The following LRRC1 variants were observed in gnomAD, a reference collection of about 807,000 sequenced individuals.
The protein encoded by LRRC1 is leucine-rich repeat-containing protein 1.
In LRRC1, 28 loss-of-function variants were observed where a neutral mutation model predicts 69.9. That is an observed-to-expected ratio of 0.40 (90% CI 0.30 to 0.55). LRRC1 has a LOEUF of 0.55. Ranked by LOEUF, LRRC1 falls within the 20% of genes least tolerant of loss-of-function variation. The pLI, the probability that LRRC1 is intolerant of heterozygous loss-of-function variation, is 0.47. For missense variants in LRRC1, 498 were observed against 609.0 expected (o/e 0.82, Z 1.92); for synonymous variants, 236 against 240.2 (o/e 0.98, Z 0.16).
chr6:53,853,354 G>A (rs1015171885), intron 2 of LRRC1, among the ~76,000 whole-genome samples: 5 of 147,570 alleles, frequency 3.4e-5, no homozygotes, highest in African/African-American at 7.6e-5. Context: ...GTGTGATCTC[G>A]GCTCACTGCA....
intron 2 of LRRC1, among the ~76,000 whole-genome samples, chr6:53,845,112 G>A (rs1199576273): frequency 2.0e-5 from 3 of 152,212 alleles, no homozygotes; most frequent in Non-Finnish European, 1.5e-5. Flanking sequence ...GCTGGGGCAG[G>A]AGAATCGCTT....
chr6:53,827,780 C>A (rs1020164359), intron 1 of LRRC1, among the ~76,000 whole-genome samples: 6 of 152,128 alleles, frequency 3.9e-5, no homozygotes, highest in Non-Finnish European at 1.5e-5. Context: ...CATGCCTTGT[C>A]TTTCAAAGTT....
intron 11 of LRRC1, among the ~76,000 whole-genome samples, chr6:53,915,574 A>G (rs918423880): frequency 6.6e-6 from 1 of 152,228 alleles, no homozygotes; most frequent in African/African-American, 2.4e-5. Context: ...ACTACTGAGC[A>G]TGAATTTGCC....
intron 1 of LRRC1, 103 bp from the exon 2 acceptor site, chr6:53,842,007 C>T (rs1220890104): frequency 1.5e-6 from 1 of 679,868 alleles, no homozygotes; most frequent in Admixed American, 2.6e-5. Context: ...GTTGCTACAA[C>T]CTTCATTAGT....
chr6:53,824,787 G>A (rs561370764), intron 1 of LRRC1, among the ~76,000 whole-genome samples: 3 of 152,276 alleles, frequency 2.0e-5, no homozygotes, highest in African/African-American at 7.2e-5. Flanking sequence ...AACTGAGCTT[G>A]TAGAATCCTA....
At chr6:53,803,795 C>T (rs907704822) in intron 1 of LRRC1, among the ~76,000 whole-genome samples, 1 of 152,140 alleles carries the variant, frequency 6.6e-6, no homozygotes, top group African/African-American at 2.4e-5. Context: ...TGGTGTTACA[C>T]CTAATTACAG....
At position 53,842,044 on chromosome 6, in the gene LRRC1, A is replaced by G. The variant is rs565500299; in HGVS notation, c.160-66A>G. On this transcript the variant is annotated intron_variant, in intron 1 of 13. Coordinates refer to ENST00000370888, the MANE Select transcript of LRRC1 (RefSeq NM_018214.5). ...TTTAAAAGACATTGTTTTACATTTC[A>G]TAGTAGCCCAAAAGTTTATGATACA... The G allele has an allele frequency of 3.1e-5, 31 of 998,870 alleles. No individual in the cohort carries two copies. In the South Asian group the frequency reaches 4.1e-4, roughly 13 times the overall value. The allele number at this position is 998,870 out of a possible 1,614,324, so 61.9% of individuals were successfully genotyped here. A position where few individuals can be genotyped will look rare whatever the true frequency, so the allele number is the denominator to read the frequency against.
At chr6:53,825,787 C>T (rs1189117025) in intron 1 of LRRC1, among the ~76,000 whole-genome samples, 2 of 152,150 alleles carry the variant, frequency 1.3e-5, no homozygotes, top group Non-Finnish European at 2.9e-5. Flanking sequence ...GAACCACAGA[C>T]TAGATAATCT....
chr6:53,842,503 C>A (rs949826694), intron 2 of LRRC1, among the ~76,000 whole-genome samples: 5 of 151,708 alleles, frequency 3.3e-5, no homozygotes, highest in African/African-American at 9.7e-5. Context: ...AGGCATTTTC[C>A]AAAAAAAATT....
intron 1 of LRRC1, among the ~76,000 whole-genome samples, chr6:53,834,281 T>C (rs1765545837): frequency 6.6e-6 from 1 of 152,208 alleles, no homozygotes; most frequent in South Asian, 2.1e-4. Flanking sequence ...ACTCTCTCTG[T>C]CTGGATTGGT....
In LRRC1 at chr6:53,866,581, T is replaced by G. The variant is rs766932869; in HGVS notation, c.278-12412T>G. 2.6e-4 allele frequency among the ~76,000 whole-genome samples: 39 copies of G among 152,178 alleles called. 1 individual carries two copies. Among genetic ancestry groups the G allele is most frequent in the Non-Finnish European group, 5.1e-4 (35 of 68,036 alleles). On this transcript the variant is annotated intron_variant, in intron 2 of 13. Transcript: ENST00000370888. ...GAAAAACGCTTCAAACAAGGAGTAT[T>G]GGGCACTGTGGAAGGCCTCATTATT...
At chr6:53,815,251 T>C (rs1008925937) in intron 1 of LRRC1, among the ~76,000 whole-genome samples, 2 of 152,080 alleles carry the variant, frequency 1.3e-5, no homozygotes, top group Non-Finnish European at 2.9e-5. Flanking sequence ...GGGCTTTGGG[T>C]TGAATGGGCC....
At chr6:53,830,526 G>A (rs1024910989) in intron 1 of LRRC1, among the ~76,000 whole-genome samples, 1 of 152,174 alleles carries the variant, frequency 6.6e-6, no homozygotes, top group African/African-American at 2.4e-5. Context: ...ATCAGCATGA[G>A]ATCTGTTTCG....
intron 1 of LRRC1, among the ~76,000 whole-genome samples, chr6:53,831,011 G>A (rs1252795554): frequency 1.4e-5 from 2 of 147,928 alleles, no homozygotes; most frequent in African/African-American, 4.9e-5. Context: ...GGCAAAAACT[G>A]TAATTACTTT....
chr6:53,796,257 C>G (rs1009700157), intron 1 of LRRC1, among the ~76,000 whole-genome samples: 1 of 152,232 alleles, frequency 6.6e-6, no homozygotes, highest in Non-Finnish European at 1.5e-5. Flanking sequence ...TGCCGCCGAA[C>G]TTGTCAAGCG....
intron 1 of LRRC1, among the ~76,000 whole-genome samples, chr6:53,816,873 AC>A (rs1336657079): frequency 6.6e-6 from 1 of 152,186 alleles, no homozygotes; most frequent in Non-Finnish European, 1.5e-5. Flanking sequence ...CCCCTTTAAA[AC>A]ATTTCAACAC....
intron 1 of LRRC1, among the ~76,000 whole-genome samples, chr6:53,818,585 G>T (rs1193622153): frequency 6.6e-6 from 1 of 152,182 alleles, no homozygotes; most frequent in Non-Finnish European, 1.5e-5. Context: ...AGATAAGATT[G>T]TATGAGATTC....
At chr6:53,848,747 T>A (rs533613533) in intron 2 of LRRC1, among the ~76,000 whole-genome samples, 1 of 140,780 alleles carries the variant, frequency 7.1e-6, no homozygotes, top group Admixed American at 7.1e-5. Context: ...CTTACATAAC[T>A]TTTTTTCTTT....
At chr6:53,883,766 T>C (rs1233835921) in intron 4 of LRRC1, among the ~76,000 whole-genome samples, 1 of 152,218 alleles carries the variant, frequency 6.6e-6, no homozygotes, top group Non-Finnish European at 1.5e-5. Flanking sequence ...CCTAGCATCA[T>C]AAATGATTTT....
Sources: allele counts gnomAD v4.1 joint callset (sites outside exome capture counted in the v4.1 genomes callset), GRCh38; gene constraint gnomAD v4.1.1; transcripts MANE v1.5; gene names NCBI Gene and HGNC (gene_info 2026-07-23, HGNC 2026-07-21).